ZFPM1: variants seen among roughly 807,000 people sequenced by gnomAD.
ZFPM1 encodes zinc finger protein ZFPM1.
A neutral mutation model predicts 46.3 loss-of-function variants in ZFPM1; 28 were observed. That is an observed-to-expected ratio of 0.60 (90% CI 0.45 to 0.83). ZFPM1 has a LOEUF of 0.83. Ranked by LOEUF, ZFPM1 falls within the 40% of genes least tolerant of loss-of-function variation. The probability of loss-of-function intolerance (pLI) is 0.00; values close to 1 mark genes in which losing one functional copy is unlikely to be tolerated. For missense variants in ZFPM1, 1,878 were observed against 1,432.4 expected (o/e 1.31, Z -5.02); for synonymous variants, 957 against 675.9 (o/e 1.42, Z -6.45).
intron 4 of ZFPM1, among the ~76,000 whole-genome samples, chr16:88,520,383 A>G (rs1390167317): frequency 1.4e-5 from 2 of 147,446 alleles, no homozygotes; most frequent in African/African-American, 5.1e-5. Context: ...GAGTGGATGG[A>G]TAGATGGATA....
chr16:88,481,210 C>T (rs911286465), intron 1 of ZFPM1, among the ~76,000 whole-genome samples: 4 of 152,234 alleles, frequency 2.6e-5, no homozygotes, highest in African/African-American at 9.6e-5. Context: ...GCCCTGGCCG[C>T]CAATGACCAC....
At chr16:88,502,298 G>C (rs928972621) in intron 3 of ZFPM1, among the ~76,000 whole-genome samples, 1 of 151,994 alleles carries the variant, frequency 6.6e-6, no homozygotes, top group South Asian at 2.1e-4. Context: ...ATGCTATCTC[G>C]GGTTTATTGC....
intron 4 of ZFPM1, among the ~76,000 whole-genome samples, chr16:88,518,954 A>G (rs913347872): frequency 7.1e-6 from 1 of 140,680 alleles, no homozygotes; most frequent in Non-Finnish European, 1.5e-5. Context: ...TAGCTGGTGG[A>G]TAAGTGGATG....
intron 3 of ZFPM1, among the ~76,000 whole-genome samples, chr16:88,506,163 G>A (rs1406472693): frequency 1.3e-5 from 2 of 152,078 alleles, no homozygotes; most frequent in Admixed American, 6.5e-5. Context: ...GGCCAACAGG[G>A]GCCATGCCAG....
intron 1 of ZFPM1, among the ~76,000 whole-genome samples, chr16:88,462,372 T>C (rs904790): frequency 0.41 from 63,007 of 152,200 alleles, 14,263 homozygotes; most frequent in African/African-American, 0.59. Context: ...GCATCCCCGT[T>C]CTGCCCTTCT....
chr16:88,512,864 A>G (rs1334805097), intron 3 of ZFPM1: 2 of 151,946 alleles, frequency 1.3e-5, no homozygotes, highest in African/African-American at 4.8e-5. Flanking sequence ...GCCCCCCACC[A>G]CTGTCACACG....
chr16:88,460,863 A>G (rs924794911), intron 1 of ZFPM1, among the ~76,000 whole-genome samples: 2 of 148,104 alleles, frequency 1.4e-5, no homozygotes, highest in African/African-American at 2.4e-5. Flanking sequence ...CCAGCTGTTC[A>G]TGGGGCCACT....
intron 3 of ZFPM1, among the ~76,000 whole-genome samples, chr16:88,511,402 G>T (rs980364192): frequency 1.2e-4 from 18 of 152,078 alleles, no homozygotes; most frequent in African/African-American, 4.1e-4. Flanking sequence ...GTTGGGTGCT[G>T]ACCATCTCCA....
intron 1 of ZFPM1, among the ~76,000 whole-genome samples, chr16:88,474,251 G>A (rs1908570537): frequency 6.6e-6 from 1 of 152,182 alleles, no homozygotes; most frequent in Admixed American, 6.5e-5. Flanking sequence ...TGGGGACACG[G>A]GTGGGGGACC....
At chr16:88,521,477 C>A (rs1170006784) in intron 4 of ZFPM1, among the ~76,000 whole-genome samples, 1 of 151,802 alleles carries the variant, frequency 6.6e-6, no homozygotes, top group African/African-American at 2.4e-5. Flanking sequence ...AGGGACCCCC[C>A]GCTAAGGTAT....
intron 4 of ZFPM1, among the ~76,000 whole-genome samples, chr16:88,520,587 T>A (rs868155357): frequency 1.0e-4 from 12 of 115,770 alleles, no homozygotes; most frequent in African/African-American, 3.8e-4. Context: ...GATGGATGGA[T>A]GGGAGGGTGA....
intron 3 of ZFPM1, among the ~76,000 whole-genome samples, chr16:88,505,503 T>TGGTGA (rs1162031736): frequency 6.6e-6 from 1 of 152,120 alleles, no homozygotes; most frequent in Non-Finnish European, 1.5e-5. Context: ...TGCCCCCTGG[T>TGGTGA]GCCCTCAGGA....
chr16:88,510,386 G>A (rs3965782), intron 3 of ZFPM1, among the ~76,000 whole-genome samples: 16,131 of 152,256 alleles, frequency 0.11, 1,074 homozygotes, highest in East Asian at 0.16. Context: ...CCTGGTCCTC[G>A]GTCCCCCACT....
chr16:88,477,792 C>T (rs764720625), intron 1 of ZFPM1, among the ~76,000 whole-genome samples: 1 of 152,278 alleles, frequency 6.6e-6, no homozygotes, highest in African/African-American at 2.4e-5. Context: ...TTATAAGGCT[C>T]TCACTGGGAG....
chr16:88,531,790 G>A (rs1245472572), intron 6 of ZFPM1, among the ~76,000 whole-genome samples: 10 of 152,308 alleles, frequency 6.6e-5, no homozygotes, highest in African/African-American at 1.9e-4. Context: ...CACTCCCCAC[G>A]GGTCCCAGGG....
rs980298699 is a variant in ZFPM1 at position 88,497,807 on chromosome 16, G to T, written c.268+8654G>T. On this transcript the variant is annotated intron_variant, in intron 3 of 9. Coordinates refer to ENST00000319555, the MANE Select transcript of ZFPM1 (RefSeq NM_153813.3). This position sits in a 1 kb window ranked among gnomAD's most constrained non-coding sequence, Gnocchi z 5.4. ...CCCGAGGCTGGGAATCCTCACCCGA[G>T]TGTGTGAGGGCGTCGGGCTGGTTAT... Among the ~76,000 whole-genome samples, 21 of 152,316 alleles carry T rather than the reference G, an allele frequency of 1.4e-4. 1 individual carries two copies. Among genetic ancestry groups the T allele is most frequent in the Admixed American group, 2.0e-4 (3 of 15,308 alleles).
In ZFPM1 at chr16:88,505,680, G is replaced by A. The variant is rs1047116812; in HGVS notation, c.269-8707G>A. 1.1e-4 allele frequency among the ~76,000 whole-genome samples: 16 copies of A among 152,076 alleles called. No homozygotes were observed. In the East Asian group the frequency reaches 1.9e-3, roughly 18 times the overall value. On this transcript the variant is annotated intron_variant, in intron 3 of 9. Transcript: ENST00000319555. ...TTCCCTGGAGCCAGCACCCCCTGCC[G>A]TCAGCTCCCGGGAACGCAGCCCATG... is the stretch of plus-strand genomic sequence containing the variant.
At chr16:88,493,683 A>G (rs547604848) in intron 3 of ZFPM1, among the ~76,000 whole-genome samples, 4 of 149,996 alleles carry the variant, frequency 2.7e-5, no homozygotes, top group Non-Finnish European at 5.9e-5. Flanking sequence ...CGGGTTGCGG[A>G]GAGCTGTCCT....
In ZFPM1 at chr16:88,533,415, C is replaced by G. The variant is rs760321577; in HGVS notation, c.1457C>G (p.Pro486Arg). Reference sequence around the variant, plus strand: ...CCCGGAGAGCCTGGGCCCCAGGCCCCGTCGCGGACGCCGTCGCCGCGCAGC... The same window carrying G: ...CCCGGAGAGCCTGGGCCCCAGGCCCGGTCGCGGACGCCGTCGCCGCGCAGC... Reference protein sequence around the residue: ...LGPGEPGPQAPSRTPSPRSPA... With the variant: ...LGPGEPGPQARSRTPSPRSPA... Residue 486 changes from proline (P) to arginine (R), a missense_variant, in exon 10 of 10, where the codon CCG becomes CGG. Physicochemically the swap from Pro to Arg is moderately radical, Grantham distance 103. Transcript: ENST00000319555. 2 of 1,487,494 alleles carry G rather than the reference C, an allele frequency of 1.3e-6. No individual in the cohort carries two copies. The highest frequency in any genetic ancestry group is 1.8e-6 in the Non-Finnish European group (2 of 1,128,686). The allele number at this position is 1,487,494 out of a possible 1,614,324, so 92.1% of individuals were successfully genotyped here. A position where few individuals can be genotyped will look rare whatever the true frequency, so the allele number is the denominator to read the frequency against.
Sources: allele counts gnomAD v4.1 joint callset (sites outside exome capture counted in the v4.1 genomes callset), GRCh38; gene constraint gnomAD v4.1.1; non-coding constraint Gnocchi (gnomAD v3.1); transcripts MANE v1.5; gene names NCBI Gene and HGNC (gene_info 2026-07-23, HGNC 2026-07-21).